The following NPAS3 variants were observed in gnomAD, a reference collection of about 807,000 sequenced individuals.
NPAS3 encodes neuronal PAS domain protein 3, also known as neuronal PAS domain-containing protein 3.
Under a neutral mutation model 73.1 loss-of-function variants are expected in NPAS3, and 14 were observed. The ratio of observed to expected loss-of-function variants is 0.19; its 90% confidence interval spans 0.13 to 0.30. The LOEUF (loss-of-function observed/expected upper bound fraction) is 0.30. Ranked by LOEUF, NPAS3 falls within the 10% of genes least tolerant of loss-of-function variation. The pLI is 1.00. For missense variants in NPAS3, 1,096 were observed against 1,250.0 expected, an observed-to-expected ratio of 0.88 and a Z score of 1.86; for synonymous variants, 620 against 541.5, an observed-to-expected ratio of 1.14 and a Z score of -2.01.
chr14:33,566,191 A>G (rs1388203814), intron 5 of NPAS3, among the ~76,000 whole-genome samples: 2 of 151,794 alleles, frequency 1.3e-5, no homozygotes, highest in Non-Finnish European at 2.9e-5. Context: ...GGCACTTTGA[A>G]AAGCAAATAG....
At chr14:33,003,748 C>T (rs952727785) in intron 1 of NPAS3, among the ~76,000 whole-genome samples, 4 of 152,102 alleles carry the variant, frequency 2.6e-5, no homozygotes, top group Admixed American at 6.6e-5. Context: ...AGCATTGTCC[C>T]TTACATTTTA....
chr14:33,419,339 AT>A (rs979113835), intron 4 of NPAS3, among the ~76,000 whole-genome samples: 1 of 151,696 alleles, frequency 6.6e-6, no homozygotes, highest in Non-Finnish European at 1.5e-5. Context: ...ACATCAACGC[AT>A]TTTTTTCATT....
intron 1 of NPAS3, among the ~76,000 whole-genome samples, chr14:32,989,757 T>G (rs2038254573): frequency 6.6e-6 from 1 of 152,238 alleles, no homozygotes; most frequent in Non-Finnish European, 1.5e-5. Flanking sequence ...GTGAATTGAA[T>G]TAAGCTGAAA....
rs540618374 is a variant in NPAS3, at chr14:33,717,994, A to C, written c.734-17220A>C. On this transcript the variant is annotated intron_variant, in intron 6 of 11. Transcript: ENST00000356141. ...CAATTTTTGGAATACCTGCTTTTGTAATGGGTTTTTTTTTTTTAAGTGAGT... is the reference window on the plus strand; with the variant it reads ...CAATTTTTGGAATACCTGCTTTTGTCATGGGTTTTTTTTTTTTAAGTGAGT... Among the ~76,000 whole-genome samples the C allele has an allele frequency of 2.9e-5, 4 of 135,720 alleles. No individual in the cohort carries two copies. The South Asian group carries it at 8.6e-4, about 29-fold the overall frequency. The allele number at this position is 135,720 out of a possible 152,430, so 89.0% of individuals were successfully genotyped here.
chr14:33,597,520 G>A (rs952080004), intron 5 of NPAS3, among the ~76,000 whole-genome samples: 1 of 152,188 alleles, frequency 6.6e-6, no homozygotes, highest in African/African-American at 2.4e-5. Context: ...ATCTCAATTT[G>A]AAGAAAAGTC....
intron 2 of NPAS3, among the ~76,000 whole-genome samples, chr14:33,161,501 T>G (rs144928175): frequency 3.9e-5 from 6 of 152,312 alleles, no homozygotes; most frequent in Non-Finnish European, 8.8e-5. Context: ...GCTATATACT[T>G]AAGAAAACAA....
chr14:33,217,366 A>T (rs2047263912), intron 3 of NPAS3, among the ~76,000 whole-genome samples: 1 of 152,192 alleles, frequency 6.6e-6, no homozygotes, highest in African/African-American at 2.4e-5. Flanking sequence ...ATGTAAATAT[A>T]ATTGTGATAA....
chr14:33,722,352 T>A (rs2061137778), intron 6 of NPAS3, among the ~76,000 whole-genome samples: 2 of 152,154 alleles, frequency 1.3e-5, no homozygotes, highest in South Asian at 4.1e-4. Context: ...CTTTTTTAAC[T>A]TAAGGAAAGG....
intron 3 of NPAS3, among the ~76,000 whole-genome samples, chr14:33,235,592 G>T (rs1053135184): frequency 2.6e-5 from 4 of 151,862 alleles, no homozygotes; most frequent in Non-Finnish European, 5.9e-5. Flanking sequence ...ATATATACAG[G>T]TGCACATATA....
At chr14:33,130,207 T>C (rs961066946) in intron 2 of NPAS3, among the ~76,000 whole-genome samples, 8 of 152,184 alleles carry the variant, frequency 5.3e-5, no homozygotes, top group African/African-American at 1.9e-4. Flanking sequence ...TTTACTTCTG[T>C]TTAATGGAAA....
intron 4 of NPAS3, among the ~76,000 whole-genome samples, chr14:33,375,892 G>A (rs1349089072): frequency 1.3e-5 from 2 of 152,146 alleles, no homozygotes; most frequent in Non-Finnish European, 2.9e-5. Flanking sequence ...GTAGTCAATT[G>A]GGTCTACTGG....
chr14:33,095,263 C>T (rs2042368506), intron 2 of NPAS3, among the ~76,000 whole-genome samples: 1 of 152,148 alleles, frequency 6.6e-6, no homozygotes, highest in Non-Finnish European at 1.5e-5. Flanking sequence ...ACGTGATCTA[C>T]ATTTAATCTG....
intron 6 of NPAS3, among the ~76,000 whole-genome samples, chr14:33,690,895 G>A (rs368837472): frequency 1.9e-4 from 27 of 142,548 alleles, no homozygotes; most frequent in South Asian, 1.8e-3. Context: ...AAAACGATTC[G>A]TTAAGCCTAT....
chr14:33,202,259 C>G (rs1039956766), intron 2 of NPAS3, among the ~76,000 whole-genome samples: 1 of 151,980 alleles, frequency 6.6e-6, no homozygotes, highest in African/African-American at 2.4e-5. Context: ...AAAAATTAGC[C>G]AGGTGTGGTA....
At position 33,292,521 on chromosome 14, in the gene NPAS3, T is replaced by A. The variant is rs146975503; in HGVS notation, c.386-74665T>A. 6.6e-5 allele frequency among the ~76,000 whole-genome samples: 10 copies of A among 152,278 alleles called. No homozygotes were observed. The East Asian group carries it at 1.9e-3, about 29-fold the overall frequency. On this transcript the variant is annotated intron_variant, in intron 3 of 11. Coordinates refer to ENST00000356141, the Ensembl canonical transcript of NPAS3. ...TTTCTACTATAGATATACCCTCAGA[T>A]ATTTTTATTTTAAATATGCCCTAAA...
intron 4 of NPAS3, among the ~76,000 whole-genome samples, chr14:33,430,272 T>G (rs1467536510): frequency 6.6e-6 from 1 of 152,138 alleles, no homozygotes; most frequent in Admixed American, 6.5e-5. Flanking sequence ...TTCCTCCGCC[T>G]TCCCTTCAGT....
chr14:32,961,120 A>G (rs1345578045), intron 1 of NPAS3, among the ~76,000 whole-genome samples: 2 of 152,190 alleles, frequency 1.3e-5, no homozygotes, highest in African/African-American at 4.8e-5. Flanking sequence ...CTCTGAAAAA[A>G]AATGTGAATT....
intron 5 of NPAS3, among the ~76,000 whole-genome samples, chr14:33,619,533 G>A (rs75328285): frequency 0.024 from 3,653 of 152,244 alleles, 135 homozygotes; most frequent in African/African-American, 0.083. Flanking sequence ...AAGTGAAGAA[G>A]GTTTCATTAG....
At chr14:33,586,445 A>AT (rs756509124) in intron 5 of NPAS3, among the ~76,000 whole-genome samples, 1 of 152,116 alleles carries the variant, frequency 6.6e-6, no homozygotes, top group Non-Finnish European at 1.5e-5. Context: ...TAACTGAAAG[A>AT]TACTGTTGAA....
Sources: gnomAD v4.1 joint callset for allele counts (sites outside exome capture counted in the v4.1 genomes callset) on GRCh38, gnomAD v4.1.1 for gene constraint, MANE v1.5 for transcripts, NCBI Gene and HGNC (gene_info 2026-07-23, HGNC 2026-07-21) for gene names.